The following SASS6 variants were observed in gnomAD, a reference collection of about 807,000 sequenced individuals.
The protein encoded by SASS6 is SAS-6 centriolar assembly protein, also known as spindle assembly abnormal protein 6 homolog.
Under a neutral mutation model 94.9 loss-of-function variants are expected in SASS6, and 59 were observed. The ratio of observed to expected loss-of-function variants is 0.62; its 90% CI spans 0.50 to 0.77. SASS6 has a LOEUF of 0.77. Among genes scored for constraint, SASS6 ranks in the 30% least tolerant of loss-of-function variants. The pLI is 0.00. For synonymous variants in SASS6, 264 were observed against 270.0 expected, an observed-to-expected ratio of 0.98 and a Z score of 0.22; for missense variants, 698 against 734.1, an observed-to-expected ratio of 0.95 and a Z score of 0.57.
chr1:100,132,164 T>C (rs1557899554), intron 1 of SASS6, among the ~76,000 whole-genome samples: 1 of 152,182 alleles, frequency 6.6e-6, no homozygotes, highest in Non-Finnish European at 1.5e-5. Flanking sequence ...AGTAAGGTGT[T>C]TTACAAGGAG....
At chr1:100,132,358 A>G (rs1655116800) in intron 1 of SASS6, among the ~76,000 whole-genome samples, 1 of 152,118 alleles carries the variant, frequency 6.6e-6, no homozygotes, top group South Asian at 2.1e-4. Flanking sequence ...AAAGGCTCGG[A>G]GCCAAGGCCT....
intron 7 of SASS6, among the ~76,000 whole-genome samples, chr1:100,116,579 C>T (rs1653816156): frequency 6.6e-6 from 1 of 151,934 alleles, no homozygotes; most frequent in African/African-American, 2.4e-5. Flanking sequence ...AAGATAAGTA[C>T]AAGAATGTTA....
chr1:100,114,694 G>A (rs1653660373), intron 7 of SASS6, among the ~76,000 whole-genome samples: 1 of 151,834 alleles, frequency 6.6e-6, no homozygotes, highest in Admixed American at 6.6e-5. Context: ...CTCCAGCCTG[G>A]GCAACAGAGC....
At chr1:100,113,333 G>A (rs537693255) in intron 7 of SASS6, among the ~76,000 whole-genome samples, 3 of 152,208 alleles carry the variant, frequency 2.0e-5, no homozygotes, top group African/African-American at 7.2e-5. Context: ...AAAAGGCCGG[G>A]CCCGGTGGCT....
At chr1:100,130,619 G>A (rs1214614026) in intron 1 of SASS6, among the ~76,000 whole-genome samples, 1 of 151,090 alleles carries the variant, frequency 6.6e-6, no homozygotes, top group Non-Finnish European at 1.5e-5. Context: ...GGCCCAGGAG[G>A]TCAAGGCTGC....
At chr1:100,130,275 T>C (rs188961878) in intron 1 of SASS6, among the ~76,000 whole-genome samples, 282 of 152,332 alleles carry the variant, frequency 1.9e-3, no homozygotes, top group Middle Eastern at 6.8e-3. Context: ...TTTGTTGTTG[T>C]TGGGGACGGA....
rs536620888 is a variant in SASS6 at position 100,102,847 on chromosome 1, C to T, written c.1674+108G>A. On this transcript the variant is annotated intron_variant, in intron 14 of 16. Transcript: ENST00000287482. ...TATTTATCTAATACACTACCTACTA[C>T]TTAACAACTGACCAAAGAATAAATG... 4.2e-5 allele frequency: 35 copies of T among 842,718 alleles called. No individual in the cohort carries two copies. The South Asian group carries it at 4.9e-4, about 12-fold the overall frequency. 52.2% of individuals were successfully genotyped at this position (842,718 alleles called of 1,614,324 possible). A position where few individuals can be genotyped will look rare whatever the true frequency, so the allele number is the denominator to read the frequency against.
At chr1:100,126,218 T>C (rs539096877) in intron 1 of SASS6, among the ~76,000 whole-genome samples, 1 of 152,342 alleles carries the variant, frequency 6.6e-6, no homozygotes, top group East Asian at 1.9e-4. Context: ...GTGGAGTGCC[T>C]AGCACTAGCC....
chr1:100,132,757 C>G lies in SASS6; in HGVS notation c.58G>C (p.Glu20Gln). The change falls in exon 1 of 17, where the codon GAG (glutamate) becomes CAG (glutamine). Residue 20 changes from glutamate (E) to glutamine (Q), a missense_variant. Physicochemically the swap from Glu to Gln is conservative, Grantham distance 29. Transcript: ENST00000287482. ...VPLQVKCKDCEERRVSIRMSI... is the reference protein window; with the variant it reads ...VPLQVKCKDCQERRVSIRMSI... ...GGATGACGCGGACCTTACCTCTCCT[C>G]ACAGTCTTTGCATTTCACCTGCAAC... 6.2e-7 allele frequency: 1 copy of G among 1,613,840 alleles called. No homozygotes were observed. Among genetic ancestry groups the G allele is most frequent in the Non-Finnish European group, 8.5e-7 (1 of 1,179,750 alleles).
intron 14 of SASS6, among the ~76,000 whole-genome samples, chr1:100,097,929 G>A (rs1652222040): frequency 6.6e-6 from 1 of 152,208 alleles, no homozygotes; most frequent in Non-Finnish European, 1.5e-5. Flanking sequence ...CTGATCAGTA[G>A]TTGCCTAGGG....
intron 7 of SASS6, 132 bp downstream of exon 7, chr1:100,118,886 G>C (rs1653970544): frequency 2.0e-6 from 1 of 490,464 alleles, no homozygotes. Flanking sequence ...TTGAAAGAGA[G>C]GATTTTTATT....
chr1:100,118,774 TA>T (rs1653960426), intron 7 of SASS6, among the ~76,000 whole-genome samples: 1 of 152,074 alleles, frequency 6.6e-6, no homozygotes, highest in Non-Finnish European at 1.5e-5. Flanking sequence ...TATAAGTTTA[TA>T]AACAAATATT....
rs758992560 is a variant in SASS6, at chr1:100,105,826, G to T, written c.1486C>A (p.Pro496Thr). 4.3e-5 allele frequency: 70 copies of T among 1,613,150 alleles called. No individual in the cohort carries two copies. Among genetic ancestry groups the T allele is most frequent in the South Asian group, 2.4e-4 (22 of 90,946 alleles). ...KQDVLGPSTT[P>T]PAHSSSNTIR... ...GTGTTGCTGCTGGAATGTGCAGGCG[G>T]AGTAGTAGAAGGTCCCAATACATCT... is the stretch of plus-strand genomic sequence containing the variant. Residue 496 changes from proline (P) to threonine (T), a missense_variant, in exon 13 of 17, where the codon CCG (proline) becomes ACG (threonine). Coordinates refer to ENST00000287482, the MANE Select transcript of SASS6 (RefSeq NM_194292.3).
Position 100,107,724 on chromosome 1 carries a change from TA to T in SASS6, c.1057-8del. 1 of 1,582,868 alleles carries T rather than the reference TA, an allele frequency of 6.3e-7. No individual in the cohort carries two copies. Among genetic ancestry groups the T allele is most frequent in the South Asian group, 1.1e-5 (1 of 87,420 alleles). On this transcript the variant is annotated splice_region_variant and splice_polypyrimidine_tract_variant and intron_variant, in intron 9 of 16. Coordinates refer to ENST00000287482, the MANE Select transcript of SASS6 (RefSeq NM_194292.3). ...CATTTTCTTCTAAAACCACCTGATATATTTTTTAAAAACATGAATAATTAGG... is the reference window on the plus strand; with the variant it reads ...CATTTTCTTCTAAAACCACCTGATATTTTTTTAAAAACATGAATAATTAGG...
rs1193638443 is a variant in SASS6 at position 100,121,554 on chromosome 1, G to A, written c.312-5C>T. 3 of 1,538,102 alleles carry A rather than the reference G, an allele frequency of 2.0e-6. No homozygotes were observed. Among genetic ancestry groups the A allele is most frequent in the Non-Finnish European group, 2.7e-6 (3 of 1,122,794 alleles). On this transcript the variant is annotated splice_polypyrimidine_tract_variant and splice_region_variant and intron_variant, in intron 4 of 16. Transcript: ENST00000287482. ...GAAACTAACTGTAGCAAAAACCTTTGAAAAGAAAATGTTACATTATAACAC... is the reference window on the plus strand; with the variant it reads ...GAAACTAACTGTAGCAAAAACCTTTAAAAAGAAAATGTTACATTATAACAC...
At chr1:100,114,642 C>T (rs1364811185) in intron 7 of SASS6, among the ~76,000 whole-genome samples, 7 of 151,990 alleles carry the variant, frequency 4.6e-5, no homozygotes, top group Non-Finnish European at 7.4e-5. Flanking sequence ...CACTTGAGCC[C>T]GGAAGGCTGA....
chr1:100,104,342 G>A (rs1652724621), intron 13 of SASS6, among the ~76,000 whole-genome samples: 2 of 152,182 alleles, frequency 1.3e-5, no homozygotes, highest in South Asian at 2.1e-4. Flanking sequence ...AAATTGTTGT[G>A]TTCAACAGGA....
At chr1:100,117,115 G>A (rs1653846989) in intron 7 of SASS6, among the ~76,000 whole-genome samples, 2 of 151,614 alleles carry the variant, frequency 1.3e-5, no homozygotes, top group Non-Finnish European at 2.9e-5. Context: ...CCAACATGGT[G>A]AAACCCCGTC....
intron 15 of SASS6, among the ~76,000 whole-genome samples, chr1:100,086,066 C>T (rs930113647): frequency 6.6e-6 from 1 of 151,518 alleles, no homozygotes; most frequent in African/African-American, 2.4e-5. Flanking sequence ...TATTAACACA[C>T]ATTACACAAT....
Sources: gnomAD v4.1 joint callset for allele counts (sites outside exome capture counted in the v4.1 genomes callset) on GRCh38, gnomAD v4.1.1 for gene constraint, MANE v1.5 for transcripts, NCBI Gene and HGNC (gene_info 2026-07-23, HGNC 2026-07-21) for gene names.